The following ZNF804B variants were observed in gnomAD, a reference collection of about 807,000 sequenced individuals.
The protein encoded by ZNF804B is zinc finger 804B.
In ZNF804B, 80 loss-of-function variants were observed where a neutral mutation model predicts 101.4. The ratio of observed to expected loss-of-function variants is 0.79; its 90% CI spans 0.66 to 0.95. The LOEUF (loss-of-function observed/expected upper bound fraction) is 0.95. Among genes scored for constraint, ZNF804B ranks in the 40% least tolerant of loss-of-function variants. The pLI, the probability that ZNF804B is intolerant of heterozygous loss-of-function variation, is 0.00. For missense variants in ZNF804B, 1,673 were observed against 1,561.9 expected (o/e 1.07, Z -1.20); for synonymous variants, 622 against 558.8 (o/e 1.11, Z -1.59).
At chr7:89,285,476 T>A (rs1790174016) in intron 2 of ZNF804B, among the ~76,000 whole-genome samples, 1 of 122,130 alleles carries the variant, frequency 8.2e-6, no homozygotes, top group Non-Finnish European at 1.6e-5. Flanking sequence ...TGAGCCGAGA[T>A]CATGCCACTG....
At chr7:89,094,531 G>T (rs1583982715) in intron 1 of ZNF804B, among the ~76,000 whole-genome samples, 1 of 151,838 alleles carries the variant, frequency 6.6e-6, no homozygotes, top group African/African-American at 2.4e-5. Flanking sequence ...AGAAGATATG[G>T]GTACACTCAC....
chr7:88,979,660 A>T, intron 1 of ZNF804B, among the ~76,000 whole-genome samples: 1 of 130,202 alleles, frequency 7.7e-6, no homozygotes, highest in Non-Finnish European at 1.7e-5. Context: ...GAACTTTGAG[A>T]GTTTGATTAT....
At chr7:88,865,375 T>G (rs796292105) in intron 1 of ZNF804B, among the ~76,000 whole-genome samples, 46 of 151,484 alleles carry the variant, frequency 3.0e-4, no homozygotes, top group African/African-American at 1.1e-3. Flanking sequence ...CTACAGAAAG[T>G]AAAAAAATTA....
chr7:88,977,870 C>T (rs374057928), intron 1 of ZNF804B, among the ~76,000 whole-genome samples: 3 of 151,570 alleles, frequency 2.0e-5, no homozygotes, highest in African/African-American at 7.2e-5. Context: ...GCCCTTATTA[C>T]TGCAAACTTT....
chr7:89,276,964 T>C (rs1789990231), intron 2 of ZNF804B, among the ~76,000 whole-genome samples: 1 of 151,614 alleles, frequency 6.6e-6, no homozygotes. Flanking sequence ...AGTGTATATG[T>C]TTGTGTCTTT....
chr7:89,209,778 T>C (rs1294480735), intron 1 of ZNF804B, among the ~76,000 whole-genome samples: 1 of 152,182 alleles, frequency 6.6e-6, no homozygotes, highest in African/African-American at 2.4e-5. Flanking sequence ...CACTTTTCAA[T>C]AAATAGTTAC....
chr7:89,294,579 T>C (rs1790349873), intron 2 of ZNF804B, among the ~76,000 whole-genome samples: 1 of 152,038 alleles, frequency 6.6e-6, no homozygotes, highest in Admixed American at 6.6e-5. Flanking sequence ...AAAAAATGCT[T>C]CTCTATACCT....
At position 89,334,227 on chromosome 7, in the gene ZNF804B, T is replaced by G. The variant is rs1242550967; in HGVS notation, c.1245T>G (p.Asp415Glu). ...TAGAGAACAGAGAAAAATCTTTAGA[T>G]AAAACAGAAAGAGTTAGCAAAAATG... is the stretch of plus-strand genomic sequence containing the variant. ...SRIENREKSL[D>E]KTERVSKNVQ... The change falls in exon 4 of 4, where the codon GAT becomes GAG. Residue 415 changes from aspartate (D) to glutamate (E), a missense_variant. Asp to Glu is a conservative substitution (Grantham distance 45). Coordinates refer to ENST00000333190, the MANE Select transcript of ZNF804B (RefSeq NM_181646.5). 1.1e-5 allele frequency: 17 copies of G among 1,613,544 alleles called. No individual in the cohort carries two copies. The highest frequency in any genetic ancestry group is 1.4e-5 in the Non-Finnish European group (16 of 1,179,784).
chr7:89,120,857 C>T (rs1790393741), intron 1 of ZNF804B, among the ~76,000 whole-genome samples: 1 of 151,998 alleles, frequency 6.6e-6, no homozygotes, highest in South Asian at 2.1e-4. Flanking sequence ...TAAAAGTGGG[C>T]TTTTCAATAG....
At chr7:88,873,385 G>C (rs567651509) in intron 1 of ZNF804B, among the ~76,000 whole-genome samples, 14 of 152,306 alleles carry the variant, frequency 9.2e-5, no homozygotes, top group African/African-American at 3.4e-4. Flanking sequence ...TGTCAGATGA[G>C]TAGGTTGTGA....
intron 1 of ZNF804B, among the ~76,000 whole-genome samples, chr7:89,035,291 A>G (rs1347352535): frequency 6.6e-6 from 1 of 152,124 alleles, no homozygotes; most frequent in Non-Finnish European, 1.5e-5. Flanking sequence ...ATTCATTAAA[A>G]AACTCTTTTG....
At chr7:89,001,100 T>G (rs1788281096) in intron 1 of ZNF804B, among the ~76,000 whole-genome samples, 1 of 147,908 alleles carries the variant, frequency 6.8e-6, no homozygotes, top group Admixed American at 6.8e-5. Flanking sequence ...CAATTTCAGA[T>G]AGCAGGAGTA....
chr7:88,854,387 A>ATTTCTTTCTTTCTTTC (rs1214109627), intron 1 of ZNF804B, among the ~76,000 whole-genome samples: 28 of 109,268 alleles, frequency 2.6e-4, no homozygotes, highest in South Asian at 7.0e-4. Flanking sequence ...TCTGTACTGC[A>ATTTCTTTCTTTCTTTC]TTTCTTTCTT....
At chr7:89,317,121 G>C (rs114373319) in intron 2 of ZNF804B, among the ~76,000 whole-genome samples, 1 of 152,186 alleles carries the variant, frequency 6.6e-6, no homozygotes, top group Non-Finnish European at 1.5e-5. Context: ...AGAGCCAAAA[G>C]AAGTCTTCTT....
chr7:88,793,830 G>GT (rs1790423871), intron 1 of ZNF804B, among the ~76,000 whole-genome samples: 1 of 152,158 alleles, frequency 6.6e-6, no homozygotes, highest in Admixed American at 6.6e-5. Flanking sequence ...AGTAGTGACT[G>GT]TTTATTAACT....
intron 1 of ZNF804B, among the ~76,000 whole-genome samples, chr7:88,997,583 G>A (rs915301879): frequency 6.6e-6 from 1 of 151,966 alleles, no homozygotes; most frequent in African/African-American, 2.4e-5. Flanking sequence ...TAAAACATTT[G>A]TATGACATCA....
chr7:89,067,021 A>G (rs1271009417), intron 1 of ZNF804B, among the ~76,000 whole-genome samples: 1 of 151,946 alleles, frequency 6.6e-6, no homozygotes, highest in African/African-American at 2.4e-5. Flanking sequence ...TCTTTTTTCT[A>G]CACCAAATTG....
At chr7:88,944,530 A>G (rs751745077) in intron 1 of ZNF804B, among the ~76,000 whole-genome samples, 2 of 151,760 alleles carry the variant, frequency 1.3e-5, no homozygotes, top group African/African-American at 2.4e-5. Context: ...TGGGTTCTGC[A>G]TCTGGAGATT....
intron 2 of ZNF804B, among the ~76,000 whole-genome samples, chr7:89,233,213 A>G (rs1428563020): frequency 2.0e-5 from 3 of 152,166 alleles, no homozygotes; most frequent in African/African-American, 7.2e-5. Context: ...GGCGTGAGCC[A>G]CCGTGCCTGG....
Sources: allele counts gnomAD v4.1 joint callset (sites outside exome capture counted in the v4.1 genomes callset), GRCh38; gene constraint gnomAD v4.1.1; transcripts MANE v1.5; gene names NCBI Gene and HGNC (gene_info 2026-07-23, HGNC 2026-07-21).